Variants in INTS6 observed in about 807,000 individuals in gnomAD.
INTS6 encodes DEAD box protein.
INTS6 carries 16 observed loss-of-function variants against 104.9 expected under a neutral mutation model. The ratio of observed to expected loss-of-function variants is 0.15; its 90% CI spans 0.10 to 0.23. INTS6 has a LOEUF of 0.23. INTS6 is among the 10% of genes least tolerant of loss of function. The pLI, the probability that INTS6 is intolerant of heterozygous loss-of-function variation, is 1.00. For missense variants in INTS6, 584 were observed against 1,062.8 expected (o/e 0.55, Z 6.26); for synonymous variants, 324 against 358.7 (o/e 0.90, Z 1.09).
At position 51,365,045 on chromosome 13, in the gene INTS6, G is replaced by A. The variant is rs774817408; in HGVS notation, c.*707C>T. ...TGTTGGCATGGCCAACAAAAACTAC[G>A]AACATATAGTAAAAAGGCAATGCAG... On this transcript the variant is annotated 3_prime_UTR_variant, in exon 18 of 18. Coordinates refer to ENST00000311234, the MANE Select transcript of INTS6 (RefSeq NM_012141.3). The A allele has an allele frequency of 2.6e-5, 4 of 152,522 alleles. No individual in the cohort carries two copies. Among genetic ancestry groups the A allele is most frequent in the Middle Eastern group, 3.4e-3 (1 of 294 alleles). 9.4% of individuals were successfully genotyped at this position (152,522 alleles called of 1,614,324 possible). A position where few individuals can be genotyped will look rare whatever the true frequency, so the allele number is the denominator to read the frequency against.
At chr13:51,373,344 G>A (rs535984567) in intron 15 of INTS6, among the ~76,000 whole-genome samples, 24 of 151,884 alleles carry the variant, frequency 1.6e-4, no homozygotes, top group African/African-American at 5.8e-4. Context: ...AATTCATTAG[G>A]GTTTCCCTAC....
intron 4 of INTS6, among the ~76,000 whole-genome samples, chr13:51,419,772 A>G (rs1288902025): frequency 6.6e-6 from 1 of 152,222 alleles, no homozygotes; most frequent in African/African-American, 2.4e-5. Context: ...TACCCACTTC[A>G]TAAAGGAAAA....
intron 4 of INTS6, among the ~76,000 whole-genome samples, chr13:51,403,069 T>C (rs2408364): frequency 0.71 from 108,005 of 152,134 alleles, 39,394 homozygotes; most frequent in African/African-American, 0.89. Context: ...TATTATAAAA[T>C]CTCAGATAAC....
intron 10 of INTS6, 109 bp from the exon 11 acceptor site, chr13:51,379,681 C>A: frequency 3.8e-6 from 2 of 523,708 alleles, no homozygotes; most frequent in Non-Finnish European, 6.7e-6. Context: ...CCCTTCTTTT[C>A]CTCAATAAGG....
intron 6 of INTS6, among the ~76,000 whole-genome samples, chr13:51,388,373 G>GT (rs59966165): frequency 0.036 from 5,260 of 148,014 alleles, 103 homozygotes; most frequent in South Asian, 0.06. Flanking sequence ...TGTGTGTTTT[G>GT]TTTTTTTTTG....
At chr13:51,434,733 A>G (rs1219302338) in intron 3 of INTS6, among the ~76,000 whole-genome samples, 2 of 137,678 alleles carry the variant, frequency 1.5e-5, no homozygotes, top group Admixed American at 1.5e-4. Flanking sequence ...GCTCCAAGAA[A>G]GTTTTCTTAT....
At chr13:51,383,558 T>A in intron 8 of INTS6, 31 bp downstream of exon 8, 1 of 1,605,812 alleles carries the variant, frequency 6.2e-7, no homozygotes, top group Non-Finnish European at 8.5e-7. Flanking sequence ...CTCATTTAAA[T>A]TTTGGGGTCA....
chr13:51,441,381 C>T (rs960705698), intron 3 of INTS6: 2 of 152,202 alleles, frequency 1.3e-5, no homozygotes, highest in South Asian at 2.1e-4. Context: ...CACAGTTCTG[C>T]AAGATAGGTC....
At chr13:51,401,355 G>A (rs558968209) in intron 4 of INTS6, among the ~76,000 whole-genome samples, 1 of 152,186 alleles carries the variant, frequency 6.6e-6, no homozygotes, top group South Asian at 2.1e-4. Flanking sequence ...TAAACAGAAG[G>A]ATCATGTTCC....
intron 3 of INTS6, chr13:51,440,589 T>A (rs79831082): frequency 3.9e-5 from 6 of 152,204 alleles, no homozygotes; most frequent in African/African-American, 1.4e-4. Context: ...AAGTGCCCTA[T>A]CTAGGTATAC....
At chr13:51,431,397 C>T (rs1957087922) in intron 3 of INTS6, among the ~76,000 whole-genome samples, 1 of 152,068 alleles carries the variant, frequency 6.6e-6, no homozygotes, top group Non-Finnish European at 1.5e-5. Flanking sequence ...AATGCAATTT[C>T]TGATTATGTC....
chr13:51,399,219 T>A (rs577858997), intron 4 of INTS6, among the ~76,000 whole-genome samples: 1 of 119,022 alleles, frequency 8.4e-6, no homozygotes, highest in Non-Finnish European at 2.1e-5. Flanking sequence ...TTAGTTTTAT[T>A]TTTTAGAGAC....
intron 13 of INTS6, 134 bp from the exon 14 acceptor site, chr13:51,374,930 G>C: frequency 1.1e-6 from 1 of 876,332 alleles, no homozygotes; most frequent in Non-Finnish European, 1.7e-6. Context: ...TTTGTTTGGT[G>C]CAATTATAAC....
At chr13:51,385,280 C>G (rs1331110392) in intron 7 of INTS6, 3 of 153,186 alleles carry the variant, frequency 2.0e-5, no homozygotes, top group African/African-American at 7.2e-5. Context: ...TGCCCCACCC[C>G]TCCATTACAG....
At chr13:51,450,176 A>G in intron 3 of INTS6, 1 of 985,030 alleles carries the variant, frequency 1.0e-6, no homozygotes, top group African/African-American at 1.7e-5. Flanking sequence ...ACTACAACAT[A>G]AGAACTGAGC....
At chr13:51,353,577 A>T (rs1955433048), downstream of INTS6, among the ~76,000 whole-genome samples, 1 of 152,214 alleles carries the variant, frequency 6.6e-6, no homozygotes. Context: ...TTCAGCATTT[A>T]GAGTTTTCAA....
intron 9 of INTS6, among the ~76,000 whole-genome samples, chr13:51,383,016 G>C (rs1020789543): frequency 1.3e-5 from 2 of 152,182 alleles, no homozygotes; most frequent in South Asian, 4.1e-4. Flanking sequence ...GGGAGACGGA[G>C]GTTGCAGTGA....
At chr13:51,404,657 AT>A (rs1956524956) in intron 4 of INTS6, among the ~76,000 whole-genome samples, 1 of 152,214 alleles carries the variant, frequency 6.6e-6, no homozygotes, top group Admixed American at 6.5e-5. Context: ...AACCTCATAT[AT>A]TCATTCTTGC....
intron 3 of INTS6, chr13:51,437,888 A>G (rs550757419): frequency 6.6e-6 from 1 of 152,378 alleles, no homozygotes; most frequent in Admixed American, 6.5e-5. Context: ...ACTTGCCTGT[A>G]ATCCCAGCTA....
Sources: allele counts gnomAD v4.1 joint callset (sites outside exome capture counted in the v4.1 genomes callset), GRCh38; gene constraint gnomAD v4.1.1; transcripts MANE v1.5; gene names NCBI Gene and HGNC (gene_info 2026-07-23, HGNC 2026-07-21).